KSR1: variants seen among roughly 807,000 people sequenced by gnomAD.
The protein encoded by KSR1 is kinase suppressor of ras 1, also known as kinase suppressor of ras.
A neutral mutation model predicts 92.9 loss-of-function variants in KSR1; 35 were observed. That is an observed-to-expected ratio of 0.38 (90% confidence interval 0.29 to 0.50). KSR1 has a LOEUF of 0.50. KSR1 is among the 20% of genes least tolerant of loss of function. KSR1 has a pLI of 0.94. For synonymous variants in KSR1, 467 were observed against 472.6 expected, an observed-to-expected ratio of 0.99 and a Z score of 0.15; for missense variants, 972 against 1,158.5, an observed-to-expected ratio of 0.84 and a Z score of 2.34.
chr17:27,600,346 A>C (rs1014760211), intron 10 of KSR1, among the ~76,000 whole-genome samples: 3 of 152,152 alleles, frequency 2.0e-5, no homozygotes, highest in African/African-American at 7.2e-5. Flanking sequence ...AGGCTGAGGC[A>C]GGAGAATCGC....
At position 27,612,112 on chromosome 17, in the gene KSR1, C is replaced by T. The variant is rs562394011; in HGVS notation, c.2493+483C>T. 1.1e-4 allele frequency among the ~76,000 whole-genome samples: 17 copies of T among 152,220 alleles called. No homozygotes were observed. In the South Asian group the frequency reaches 3.1e-3, roughly 28 times the overall value. On this transcript the variant is annotated intron_variant, in intron 18 of 20. Coordinates refer to ENST00000644974, the MANE Select transcript of KSR1 (RefSeq NM_001394583.1). ...AAAACCAAGTCTTAATTATAGTGGC[C>T]GACTTCTCATTTCTACATGGTTTCT...
chr17:27,492,812 G>A (rs1245990426), intron 1 of KSR1, among the ~76,000 whole-genome samples: 1 of 152,182 alleles, frequency 6.6e-6, no homozygotes, highest in Non-Finnish European at 1.5e-5. Flanking sequence ...AGTTCCCCAT[G>A]TACAAAATGG....
rs75828648 is a variant in KSR1, at chr17:27,483,049, G to A, written c.231+26175G>A. ...TGCCAAGTTTTAACCATTTCATTGCGCAGGCCTTGTCCCTGGCTTAATGTG... is the reference window on the plus strand; with the variant it reads ...TGCCAAGTTTTAACCATTTCATTGCACAGGCCTTGTCCCTGGCTTAATGTG... On this transcript the variant is annotated intron_variant, in intron 1 of 20. Coordinates refer to ENST00000644974, the MANE Select transcript of KSR1 (RefSeq NM_001394583.1). Among the ~76,000 whole-genome samples the A allele has an allele frequency of 4.5e-4, 69 of 152,234 alleles. 1 individual carries two copies. The East Asian group carries it at 0.01, about 23-fold the overall frequency.
intron 9 of KSR1, 119 bp from the exon 10 acceptor site, chr17:27,597,149 A>G: frequency 9.0e-7 from 1 of 1,114,034 alleles, no homozygotes; most frequent in East Asian, 2.6e-5. Context: ...AAAATGTCAG[A>G]CCCTGAGGAT....
chr17:27,501,783 G>C (rs1204311191), intron 1 of KSR1, among the ~76,000 whole-genome samples: 2 of 152,272 alleles, frequency 1.3e-5, no homozygotes, highest in Non-Finnish European at 2.9e-5. Flanking sequence ...ACAGGCGTGA[G>C]CCGCTGCACC....
intron 1 of KSR1, among the ~76,000 whole-genome samples, chr17:27,488,766 C>G (rs1293152604): frequency 6.6e-6 from 1 of 152,176 alleles, no homozygotes; most frequent in Admixed American, 6.5e-5. Context: ...GAGATCGAGA[C>G]CATTCTGGCC....
chr17:27,462,553 C>T (rs1490085950), intron 1 of KSR1, among the ~76,000 whole-genome samples: 6 of 152,202 alleles, frequency 3.9e-5, no homozygotes, highest in African/African-American at 7.2e-5. Context: ...GCCCGCTCTA[C>T]GCTTGTCTCA....
At chr17:27,457,925 T>C (rs2150892837) in intron 1 of KSR1, among the ~76,000 whole-genome samples, 1 of 123,580 alleles carries the variant, frequency 8.1e-6, no homozygotes, top group East Asian at 2.9e-4. Context: ...CGCCCCTTAT[T>C]GCTAATTGCC....
At chr17:27,583,746 C>T (rs1214344740) in intron 4 of KSR1, among the ~76,000 whole-genome samples, 1 of 152,256 alleles carries the variant, frequency 6.6e-6, no homozygotes, top group Non-Finnish European at 1.5e-5. Context: ...AACATCATGT[C>T]AGTACATCTT....
chr17:27,623,258 C>T (rs376575930), intron 20 of KSR1, 56 bp from the exon 21 acceptor site: 1 of 736,874 alleles, frequency 1.4e-6, no homozygotes. Context: ...TAGTGTTACC[C>T]TAATTCTGAT....
chr17:27,591,900 G>A lies in KSR1; in HGVS notation c.1131-461G>A, dbSNP rs375997069. Reference sequence around the variant, plus strand: ...CAGTTCTTTCCAATCCTGGCCCGGGGCTGACCCTCAGACCTCACGGTCCAT... The same window carrying A: ...CAGTTCTTTCCAATCCTGGCCCGGGACTGACCCTCAGACCTCACGGTCCAT... On this transcript the variant is annotated intron_variant, in intron 7 of 20. Transcript: ENST00000644974. 2.4e-4 allele frequency among the ~76,000 whole-genome samples: 36 copies of A among 152,366 alleles called. No individual in the cohort carries two copies. In the Middle Eastern group the frequency reaches 0.01, roughly 43 times the overall value.
chr17:27,514,380 T>C, intron 1 of KSR1, among the ~76,000 whole-genome samples: 1 of 152,178 alleles, frequency 6.6e-6, no homozygotes, highest in East Asian at 1.9e-4. Context: ...TAAGTAAGGC[T>C]GGGGACAGTA....
chr17:27,551,209 C>A (rs1327497537), intron 2 of KSR1, among the ~76,000 whole-genome samples: 5 of 152,206 alleles, frequency 3.3e-5, no homozygotes, highest in African/African-American at 1.2e-4. Flanking sequence ...AATCTTCTGA[C>A]TGCTACAATA....
At chr17:27,487,493 A>G (rs2068700969) in intron 1 of KSR1, among the ~76,000 whole-genome samples, 1 of 151,912 alleles carries the variant, frequency 6.6e-6, no homozygotes, top group Admixed American at 6.6e-5. Context: ...TCACTCCTGT[A>G]ATCCCAGCAC....
At chr17:27,552,275 G>A (rs2071422802) in intron 2 of KSR1, among the ~76,000 whole-genome samples, 2 of 152,192 alleles carry the variant, frequency 1.3e-5, no homozygotes, top group Admixed American at 6.5e-5. Context: ...AGCACCATGA[G>A]ACACGGCCTT....
intron 16 of KSR1, 100 bp from the exon 17 acceptor site, chr17:27,609,967 T>C (rs1567887395): frequency 4.1e-6 from 6 of 1,473,108 alleles, no homozygotes; most frequent in Non-Finnish European, 5.6e-6. Flanking sequence ...CTAAGCTGTG[T>C]GTGGGTGTTC....
chr17:27,550,963 C>T (rs976418221), intron 2 of KSR1, among the ~76,000 whole-genome samples: 13 of 152,186 alleles, frequency 8.5e-5, no homozygotes, highest in African/African-American at 2.9e-4. Context: ...ATCATACTTA[C>T]AACAGCCAAC....
intron 1 of KSR1, among the ~76,000 whole-genome samples, chr17:27,511,465 T>C (rs373947356): frequency 3.3e-4 from 50 of 152,132 alleles, no homozygotes; most frequent in African/African-American, 1.2e-3. Context: ...GGGAGCATTG[T>C]TGGTCACTTG....
At chr17:27,576,807 C>T (rs958037623) in intron 2 of KSR1, among the ~76,000 whole-genome samples, 1 of 152,222 alleles carries the variant, frequency 6.6e-6, no homozygotes, top group Admixed American at 6.5e-5. Context: ...ACTGAAACTG[C>T]AGATAAGAGG....
Sources: allele counts gnomAD v4.1 joint callset (sites outside exome capture counted in the v4.1 genomes callset), GRCh38; gene constraint gnomAD v4.1.1; transcripts MANE v1.5; gene names NCBI Gene and HGNC (gene_info 2026-07-23, HGNC 2026-07-21).